The following IL12RB2 variants were observed in gnomAD, a reference collection of about 807,000 sequenced individuals.
The protein encoded by IL12RB2 is interleukin 12 receptor subunit beta 2.
IL12RB2 carries 82 observed loss-of-function variants against 89.4 expected under a neutral mutation model. The observed-to-expected ratio is 0.92, with a 90% confidence interval of 0.77 to 1.10. IL12RB2 has a LOEUF of 1.10. IL12RB2 is among the 50% of genes least tolerant of loss of function. The pLI, the probability that IL12RB2 is intolerant of heterozygous loss-of-function variation, is 0.00. For missense variants in IL12RB2, 963 were observed against 1,031.9 expected, an observed-to-expected ratio of 0.93 and a Z score of 0.92; for synonymous variants, 368 against 370.1, an observed-to-expected ratio of 0.99 and a Z score of 0.07.
At chr1:67,354,213 G>A (rs1437910167) in intron 10 of IL12RB2, among the ~76,000 whole-genome samples, 3 of 152,254 alleles carry the variant, frequency 2.0e-5, no homozygotes, top group African/African-American at 2.4e-5. Flanking sequence ...GGTGGCATGC[G>A]TACCAAGTAT....
intron 15 of IL12RB2, 134 bp downstream of exon 15, chr1:67,386,803 G>A: frequency 1.4e-6 from 1 of 701,918 alleles, no homozygotes; most frequent in Non-Finnish European, 2.6e-6. Flanking sequence ...AACCACTTTG[G>A]GTGACAGTAT....
At position 67,313,930 on chromosome 1, in the gene IL12RB2, G is replaced by A. The variant is rs1655425542; in HGVS notation, c.-107G>A. 6.6e-6 allele frequency: 1 copy of A among 152,174 alleles called. No individual in the cohort carries two copies. The highest frequency in any genetic ancestry group is 1.5e-5 in the Non-Finnish European group (1 of 68,050). The allele number at this position is 152,174 out of a possible 1,614,324, so 9.4% of individuals were successfully genotyped here. ...TTTTCTAGGTCACGGTGATCCATTT[G>A]TAAAGTCGGGAATAAATGACCTCTG... On this transcript the variant is annotated 5_prime_UTR_variant, in exon 2 of 17. Transcript: ENST00000674203.
intron 5 of IL12RB2, among the ~76,000 whole-genome samples, chr1:67,327,251 GC>G (rs750369552): frequency 6.6e-4 from 101 of 152,236 alleles, no homozygotes; most frequent in Non-Finnish European, 1.0e-3. Flanking sequence ...GAGCCACGGT[GC>G]CCGGCCTATC....
chr1:67,323,769 C>T (rs1656909919), intron 4 of IL12RB2, among the ~76,000 whole-genome samples: 1 of 152,126 alleles, frequency 6.6e-6, no homozygotes, highest in South Asian at 2.1e-4. Flanking sequence ...AGGAATAAAA[C>T]ATTAAATCTA....
intron 4 of IL12RB2, among the ~76,000 whole-genome samples, chr1:67,323,210 A>C (rs929486838): frequency 6.6e-6 from 1 of 152,212 alleles, no homozygotes; most frequent in Non-Finnish European, 1.5e-5. Flanking sequence ...CAGAAGACCA[A>C]GCAAATGGCC....
chr1:67,315,395 T>A (rs1655629913), intron 2 of IL12RB2, among the ~76,000 whole-genome samples: 1 of 152,154 alleles, frequency 6.6e-6, no homozygotes. Context: ...CTTTTGCAGT[T>A]AGGAAGCAGA....
At chr1:67,324,223 C>CGTTT (rs1195534806) in intron 4 of IL12RB2, among the ~76,000 whole-genome samples, 1 of 151,970 alleles carries the variant, frequency 6.6e-6, no homozygotes, top group African/African-American at 2.4e-5. Context: ...AAGAGACTTT[C>CGTTT]GTTTGTTTGT....
chr1:67,374,749 T>A (rs927183094), intron 13 of IL12RB2, among the ~76,000 whole-genome samples: 5 of 149,972 alleles, frequency 3.3e-5, no homozygotes, highest in Admixed American at 6.7e-5. Context: ...GTGCTGAGAT[T>A]ACAGGCGTGA....
At chr1:67,380,534 CAAT>C (rs1476465282) in intron 14 of IL12RB2, among the ~76,000 whole-genome samples, 4 of 152,188 alleles carry the variant, frequency 2.6e-5, no homozygotes. Context: ...ATCACATCAA[CAAT>C]AATAATAGCA....
intron 13 of IL12RB2, among the ~76,000 whole-genome samples, chr1:67,378,571 G>A (rs17129914): frequency 2.6e-4 from 39 of 152,262 alleles, no homozygotes; most frequent in Middle Eastern, 3.4e-3. Context: ...GTTAAGTGAG[G>A]CCAGGTGATG....
chr1:67,375,821 G>C (rs1663903178), intron 13 of IL12RB2, among the ~76,000 whole-genome samples: 2 of 151,762 alleles, frequency 1.3e-5, no homozygotes, highest in African/African-American at 4.8e-5. Context: ...TACCAGTAGA[G>C]CCACGGCCAG....
At chr1:67,330,273 TAAAAA>T (rs66726768) in intron 7 of IL12RB2, among the ~76,000 whole-genome samples, 22,437 of 150,422 alleles carry the variant, frequency 0.15, 1,761 homozygotes, top group Middle Eastern at 0.26. Context: ...AGGGTTTTTT[TAAAAA>T]AAAAAAAAGC....
rs747275300 is a variant in IL12RB2 at position 67,380,039 on chromosome 1, C to T, written c.1771C>T (p.Arg591Ter). The T allele has an allele frequency of 6.8e-6, 11 of 1,612,698 alleles. No homozygotes were observed. The highest frequency in any genetic ancestry group is 5.5e-5 in the South Asian group (5 of 91,052). Residue 591 changes from arginine to a stop codon, truncating the protein, a stop_gained, in exon 14 of 17, where the codon CGA becomes TGA. Transcript: ENST00000674203. LOFTEE classifies it high-confidence loss of function. ...NSHPINSLQP[R>*]VTYVLWMTAL... ...ACATCCAATAAACAGCCTGCAGCCC[C>T]GAGTGACATATGTCCTGTGGATGAC... is the stretch of plus-strand genomic sequence containing the variant.
At chr1:67,322,422 G>A (rs1656670073) in intron 4 of IL12RB2, among the ~76,000 whole-genome samples, 2 of 125,334 alleles carry the variant, frequency 1.6e-5, no homozygotes, top group Admixed American at 9.2e-5. Flanking sequence ...AGTTCTCTAG[G>A]AAACTGACTC....
chr1:67,341,068 G>A (rs926637462), intron 9 of IL12RB2, among the ~76,000 whole-genome samples: 1 of 152,174 alleles, frequency 6.6e-6, no homozygotes, highest in Non-Finnish European at 1.5e-5. Context: ...AGAATTGTGG[G>A]CCCAAGAAGG....
At chr1:67,308,130 C>A (rs577721783) in intron 1 of IL12RB2, among the ~76,000 whole-genome samples, 163 bp downstream of exon 1, 4 of 151,962 alleles carry the variant, frequency 2.6e-5, no homozygotes, top group African/African-American at 9.7e-5. Flanking sequence ...TTTTTAAAGT[C>A]TTCCAATACG....
At position 67,390,112 on chromosome 1, in the gene IL12RB2, AAT is replaced by A; in HGVS notation, c.2033_2034del (p.Tyr678SerfsTer22). On this transcript the variant is annotated frameshift_variant, in exon 16 of 17. Coordinates refer to ENST00000674203, the MANE Select transcript of IL12RB2 (RefSeq NM_001374259.2). LOFTEE classifies it low-confidence loss of function (END_TRUNC). ...CCAGCAAATAGCACTTGCGCTAAGA[AAT>A]ATCCCATTGCAGAGGTAAGGTACAA... 1 of 1,223,996 alleles carries A rather than the reference AAT, an allele frequency of 8.2e-7. No homozygotes were observed. The highest frequency in any genetic ancestry group is 1.2e-5 in the South Asian group (1 of 83,366). The allele number at this position is 1,223,996 out of a possible 1,614,324, so 75.8% of individuals were successfully genotyped here.
chr1:67,386,461 C>A, intron 14 of IL12RB2, 118 bp from the exon 15 acceptor site: 1 of 790,992 alleles, frequency 1.3e-6, no homozygotes, highest in Non-Finnish European at 2.3e-6. Context: ...TTACCTTATT[C>A]TTGAGCACAG....
At chr1:67,312,720 A>T (rs894105656) in intron 1 of IL12RB2, among the ~76,000 whole-genome samples, 12 of 127,162 alleles carry the variant, frequency 9.4e-5, no homozygotes, top group African/African-American at 1.3e-4. Flanking sequence ...CATTGAATTT[A>T]AAAAAAAAAA....
Sources: gnomAD v4.1 joint callset for allele counts (sites outside exome capture counted in the v4.1 genomes callset) on GRCh38, gnomAD v4.1.1 for gene constraint, MANE v1.5 for transcripts, NCBI Gene and HGNC (gene_info 2026-07-23, HGNC 2026-07-21) for gene names.